The following NYAP2 variants were observed in gnomAD, a reference collection of about 807,000 sequenced individuals.
The protein encoded by NYAP2 is neuronal tyrosine-phosphorylated phosphoinositide-3-kinase adapter 2.
Under a neutral mutation model 50.4 loss-of-function variants are expected in NYAP2, and 23 were observed. The observed-to-expected ratio is 0.46, with a 90% CI of 0.33 to 0.65. NYAP2 has a LOEUF of 0.65. NYAP2 is among the 30% of genes least tolerant of loss of function. NYAP2 has a pLI of 0.02. For missense variants in NYAP2, 885 were observed against 861.0 expected (o/e 1.03, Z -0.35); for synonymous variants, 394 against 365.2 (o/e 1.08, Z -0.90).
intron 3 of NYAP2, among the ~76,000 whole-genome samples, chr2:225,424,160 A>G (rs2106128797): frequency 6.6e-6 from 1 of 152,282 alleles, no homozygotes; most frequent in African/African-American, 2.4e-5. Context: ...TAATTAACGT[A>G]GATTTTAAAA....
At chr2:225,606,460 A>AT (rs1198818293) in intron 5 of NYAP2, among the ~76,000 whole-genome samples, 3 of 152,156 alleles carry the variant, frequency 2.0e-5, no homozygotes, top group African/African-American at 7.2e-5. Context: ...GTAATTTCCT[A>AT]TGAGTATTAA....
intron 6 of NYAP2, among the ~76,000 whole-genome samples, chr2:225,643,343 G>A (rs1693564740): frequency 6.6e-6 from 1 of 152,014 alleles, no homozygotes; most frequent in Admixed American, 6.6e-5. Flanking sequence ...CTTAAACATG[G>A]CATTTTCCTA....
At position 225,590,785 on chromosome 2, in the gene NYAP2, T is replaced by A. The variant is rs73090832; in HGVS notation, c.1618+7750T>A. 9.2e-3 allele frequency among the ~76,000 whole-genome samples: 1,395 copies of A among 152,302 alleles called. 41 individuals carry two copies. The highest frequency in any genetic ancestry group is 0.032 in the African/African-American group (1,337 of 41,536). On this transcript the variant is annotated intron_variant, in intron 5 of 6. Transcript: ENST00000636099. ...CGAGGACAGATCAGGGTAACGTAGA[T>A]TCAAAAGAGATAACAATTTCACTAC...
intron 4 of NYAP2, among the ~76,000 whole-genome samples, chr2:225,518,600 AT>A (rs1313805333): frequency 2.8e-5 from 4 of 140,934 alleles, no homozygotes; most frequent in South Asian, 2.2e-4. Context: ...ATATATATAT[AT>A]ATATTAGCTT....
chr2:225,612,815 T>TGTGATGACATCACACCCAATGTGC (rs1692920962), intron 5 of NYAP2, among the ~76,000 whole-genome samples: 1 of 59,780 alleles, frequency 1.7e-5, no homozygotes, highest in Non-Finnish European at 4.1e-5. Context: ...ACCCAATGTG[T>TGTGATGACATCACACCCAATGTGC]GTGATGACAT....
intron 3 of NYAP2, among the ~76,000 whole-genome samples, chr2:225,475,777 C>G (rs1690093715): frequency 6.6e-6 from 1 of 152,130 alleles, no homozygotes; most frequent in South Asian, 2.1e-4. Flanking sequence ...TAATACTGAA[C>G]TGATTTCCCA....
At chr2:225,513,639 A>G in exon 4 of NYAP2, 1 of 1,524,978 alleles carries the variant, frequency 6.6e-7, no homozygotes, top group Non-Finnish European at 8.8e-7. Context: ...CACTGCAGCC[A>G]GTAAGAGCGG....
At chr2:225,455,488 C>T (rs1574623771) in intron 3 of NYAP2, among the ~76,000 whole-genome samples, 1 of 152,148 alleles carries the variant, frequency 6.6e-6, no homozygotes, top group East Asian at 1.9e-4. Flanking sequence ...ATGAAGTTTT[C>T]CTCATAATTA....
chr2:225,676,587 A>T, the NYAP2 span, among the ~76,000 whole-genome samples: 1 of 152,134 alleles, frequency 6.6e-6, no homozygotes, highest in African/African-American at 2.4e-5. Flanking sequence ...CAGCAAGCAA[A>T]GAGAGAGCTT....
At chr2:225,640,959 A>C (rs1055850787) in intron 6 of NYAP2, among the ~76,000 whole-genome samples, 1 of 152,154 alleles carries the variant, frequency 6.6e-6, no homozygotes, top group Non-Finnish European at 1.5e-5. Flanking sequence ...TTCTGATTCT[A>C]TTGGGGAAAA....
intron 4 of NYAP2, among the ~76,000 whole-genome samples, chr2:225,544,774 T>A (rs1691541763): frequency 6.6e-6 from 1 of 152,114 alleles, no homozygotes; most frequent in Non-Finnish European, 1.5e-5. Flanking sequence ...CTATTACCAG[T>A]TAGTTTTTTA....
chr2:225,497,240 T>G (rs1006823421), intron 3 of NYAP2, among the ~76,000 whole-genome samples: 1 of 152,214 alleles, frequency 6.6e-6, no homozygotes, highest in Non-Finnish European at 1.5e-5. Flanking sequence ...CACCTATATT[T>G]CAATCTATCA....
chr2:225,504,925 TTG>T (rs1690676555), intron 3 of NYAP2, among the ~76,000 whole-genome samples: 1 of 151,976 alleles, frequency 6.6e-6, no homozygotes, highest in African/African-American at 2.4e-5. Context: ...GAATAGTTGC[TTG>T]AACCTGGGAG....
chr2:225,574,579 G>GT (rs1692134844), intron 4 of NYAP2, among the ~76,000 whole-genome samples: 1 of 152,138 alleles, frequency 6.6e-6, no homozygotes, highest in South Asian at 2.1e-4. Flanking sequence ...GGCCCAAAGT[G>GT]TTTTTTCATT....
Position 225,486,750 on chromosome 2 carries a change from T to C in NYAP2, c.222-26621T>C, listed in dbSNP as rs145880430. Among the ~76,000 whole-genome samples, 61 of 151,212 alleles carry C rather than the reference T, an allele frequency of 4.0e-4. 2 individuals are homozygous for C. The highest frequency in any genetic ancestry group is 1.4e-3 in the African/African-American group (57 of 40,622). ...AGTTGGCTGGAGACCATGCTCTCTT[T>C]GAGGTTCTGATAGGATATTCTCCCT... On this transcript the variant is annotated intron_variant, in intron 3 of 6. Transcript: ENST00000636099.
intron 4 of NYAP2, among the ~76,000 whole-genome samples, chr2:225,539,030 G>A (rs1404224517): frequency 6.6e-6 from 1 of 151,826 alleles, no homozygotes; most frequent in Non-Finnish European, 1.5e-5. Flanking sequence ...GGTGTGTCAT[G>A]TTCCCCTCCC....
At chr2:225,624,630 T>A (rs1693176490) in intron 5 of NYAP2, among the ~76,000 whole-genome samples, 1 of 152,182 alleles carries the variant, frequency 6.6e-6, no homozygotes, top group African/African-American at 2.4e-5. Flanking sequence ...ATTTGGCAAT[T>A]TTCCATTTGT....
chr2:225,471,504 T>C (rs1467493336), intron 3 of NYAP2, among the ~76,000 whole-genome samples: 1 of 152,234 alleles, frequency 6.6e-6, no homozygotes, highest in Non-Finnish European at 1.5e-5. Flanking sequence ...TTAAATGACT[T>C]AGCTTACTGT....
intron 5 of NYAP2, among the ~76,000 whole-genome samples, chr2:225,586,774 C>A (rs545998851): frequency 4.6e-5 from 7 of 152,048 alleles, no homozygotes; most frequent in African/African-American, 1.7e-4. Flanking sequence ...ATAACCAAAC[C>A]AAATTTTAAA....
Sources: allele counts gnomAD v4.1 joint callset (sites outside exome capture counted in the v4.1 genomes callset), GRCh38; gene constraint gnomAD v4.1.1; transcripts MANE v1.5; gene names NCBI Gene and HGNC (gene_info 2026-07-23, HGNC 2026-07-21).